Variants in ATXN1 observed in about 807,000 individuals in gnomAD.
ATXN1 encodes the protein ataxin 1.
Under a neutral mutation model 56.4 loss-of-function variants are expected in ATXN1, and 8 were observed. The observed-to-expected ratio is 0.14, with a 90% CI of 0.08 to 0.26. ATXN1 has a LOEUF of 0.26. Among genes scored for constraint, ATXN1 ranks in the 10% least tolerant of loss-of-function variants. ATXN1 has a pLI of 1.00. For missense variants in ATXN1, 987 were observed against 1,106.5 expected (o/e 0.89, Z 1.53); for synonymous variants, 514 against 494.6 (o/e 1.04, Z -0.52).
At chr6:16,677,405 A>G (rs1758710297) in intron 2 of ATXN1, among the ~76,000 whole-genome samples, 1 of 152,184 alleles carries the variant, frequency 6.6e-6, no homozygotes, top group Non-Finnish European at 1.5e-5. Flanking sequence ...CAAATATGCT[A>G]CTGCGTTTAT....
chr6:16,499,699 AT>A (rs1192712840), intron 5 of ATXN1, among the ~76,000 whole-genome samples: 1 of 152,162 alleles, frequency 6.6e-6, no homozygotes, highest in Non-Finnish European at 1.5e-5. Context: ...TAATAAACTA[AT>A]TCATGCCAAA....
chr6:16,609,482 C>T (rs1040282954), intron 3 of ATXN1, among the ~76,000 whole-genome samples: 3 of 152,176 alleles, frequency 2.0e-5, no homozygotes, highest in African/African-American at 7.2e-5. Flanking sequence ...CAAGCAGCAA[C>T]CATGCAAGGA....
chr6:16,358,086 C>G (rs1233022059), intron 6 of ATXN1, among the ~76,000 whole-genome samples: 3 of 151,962 alleles, frequency 2.0e-5, no homozygotes, highest in Non-Finnish European at 1.5e-5. Flanking sequence ...AAACACCTAC[C>G]ATAATTTTGG....
At chr6:16,703,741 T>G (rs1483161301) in intron 2 of ATXN1, among the ~76,000 whole-genome samples, 1 of 152,220 alleles carries the variant, frequency 6.6e-6, no homozygotes, top group African/African-American at 2.4e-5. Context: ...TAAAGTGGGT[T>G]GGGCACAGTG....
At chr6:16,458,792 C>T (rs562234846) in intron 6 of ATXN1, among the ~76,000 whole-genome samples, 1 of 152,348 alleles carries the variant, frequency 6.6e-6, no homozygotes, top group East Asian at 1.9e-4. Flanking sequence ...CCAAGGCAAT[C>T]ACTAGACGGG....
intron 6 of ATXN1, among the ~76,000 whole-genome samples, chr6:16,398,780 T>C (rs1005343092): frequency 2.6e-5 from 4 of 152,240 alleles, no homozygotes; most frequent in African/African-American, 9.6e-5. Context: ...CTTGGCTAGA[T>C]GGCAAGCTTT....
intron 6 of ATXN1, among the ~76,000 whole-genome samples, chr6:16,344,401 T>C (rs1216160622): frequency 1.3e-5 from 2 of 152,164 alleles, no homozygotes; most frequent in South Asian, 2.1e-4. Flanking sequence ...ATTTGGGTCA[T>C]GGGCTTGGAG....
intron 2 of ATXN1, among the ~76,000 whole-genome samples, chr6:16,677,696 A>C (rs988128749): frequency 3.9e-5 from 6 of 152,230 alleles, no homozygotes; most frequent in African/African-American, 1.4e-4. Context: ...TTGTCCTTTC[A>C]AGCAGCTAAT....
At chr6:16,438,618 G>A (rs961356954) in intron 6 of ATXN1, among the ~76,000 whole-genome samples, 5 of 152,122 alleles carry the variant, frequency 3.3e-5, no homozygotes, top group Admixed American at 2.0e-4. Flanking sequence ...TTGTCTTTCT[G>A]TAGACTCAGA....
At chr6:16,430,067 G>A (rs919944102) in intron 6 of ATXN1, among the ~76,000 whole-genome samples, 5 of 152,184 alleles carry the variant, frequency 3.3e-5, no homozygotes, top group Non-Finnish European at 7.4e-5. Flanking sequence ...TTGAGACTGA[G>A]AATAGAGTTA....
intron 2 of ATXN1, 35 bp downstream of exon 2, chr6:16,753,198 C>G (rs1005481958): frequency 1.5e-5 from 7 of 455,982 alleles, no homozygotes; most frequent in African/African-American, 1.4e-4. Flanking sequence ...ACTTTATCCT[C>G]AGATGGAAAA....
chr6:16,365,693 G>A (rs1761902723), intron 6 of ATXN1, among the ~76,000 whole-genome samples: 1 of 152,224 alleles, frequency 6.6e-6, no homozygotes, highest in African/African-American at 2.4e-5. Context: ...GTCAAAGGGT[G>A]CATTCAGTCC....
intron 2 of ATXN1, among the ~76,000 whole-genome samples, chr6:16,746,087 G>A (rs1228116025): frequency 6.6e-6 from 1 of 152,040 alleles, no homozygotes; most frequent in Non-Finnish European, 1.5e-5. Context: ...CCATTCAACA[G>A]ATGAGGAAAT....
intron 6 of ATXN1, among the ~76,000 whole-genome samples, chr6:16,449,646 T>G (rs1396818213): frequency 1.3e-5 from 2 of 152,226 alleles, no homozygotes; most frequent in African/African-American, 4.8e-5. Flanking sequence ...TGTAAATGGT[T>G]TCACATTGTT....
intron 7 of ATXN1, among the ~76,000 whole-genome samples, chr6:16,324,666 A>G (rs1049079593): frequency 3.3e-5 from 5 of 152,234 alleles, no homozygotes; most frequent in Non-Finnish European, 2.9e-5. Flanking sequence ...TCTCAGCTGC[A>G]GGCTGAACCT....
intron 6 of ATXN1, among the ~76,000 whole-genome samples, chr6:16,425,965 T>C (rs1304813600): frequency 6.6e-6 from 1 of 152,120 alleles, no homozygotes; most frequent in African/African-American, 2.4e-5. Context: ...AGACTGATAT[T>C]AACCACTGTC....
At chr6:16,752,400 G>A (rs1760750522) in intron 2 of ATXN1, among the ~76,000 whole-genome samples, 1 of 152,070 alleles carries the variant, frequency 6.6e-6, no homozygotes, top group Non-Finnish European at 1.5e-5. Context: ...TCAAGTCTAG[G>A]GTGGAGCTCC....
intron 1 of ATXN1, chr6:16,754,143 T>G (rs976032843): frequency 6.6e-6 from 1 of 152,228 alleles, no homozygotes; most frequent in Admixed American, 6.5e-5. Flanking sequence ...ACGTATTTTT[T>G]TAGCCCTATC....
chr6:16,749,294 C>G (rs546961693), intron 2 of ATXN1, among the ~76,000 whole-genome samples: 3 of 152,154 alleles, frequency 2.0e-5, no homozygotes, highest in African/African-American at 7.2e-5. Flanking sequence ...ATGAATAAAT[C>G]AACGGTAGAA....
Sources: gnomAD v4.1 joint callset for allele counts (sites outside exome capture counted in the v4.1 genomes callset) on GRCh38, gnomAD v4.1.1 for gene constraint, MANE v1.5 for transcripts, NCBI Gene and HGNC (gene_info 2026-07-23, HGNC 2026-07-21) for gene names.